MYRIP: variants seen among roughly 807,000 people sequenced by gnomAD.
The protein encoded by MYRIP is rab effector MyRIP.
MYRIP carries 49 observed loss-of-function variants against 98.0 expected under a neutral mutation model. The ratio of observed to expected loss-of-function variants is 0.50; its 90% CI spans 0.40 to 0.63. The LOEUF is 0.63. Ranked by LOEUF, MYRIP falls within the 30% of genes least tolerant of loss-of-function variation. The pLI, the probability that MYRIP is intolerant of heterozygous loss-of-function variation, is 0.00. For synonymous variants in MYRIP, 404 were observed against 409.5 expected (o/e 0.99, Z 0.16); for missense variants, 1,004 against 1,058.2 (o/e 0.95, Z 0.71).
At chr3:39,960,999 C>T (rs1043486583) in intron 2 of MYRIP, among the ~76,000 whole-genome samples, 1 of 152,134 alleles carries the variant, frequency 6.6e-6, no homozygotes, top group South Asian at 2.1e-4. Flanking sequence ...AATGGCACTT[C>T]GCAATCTCTC....
At chr3:40,245,249 C>T (rs1053680573) in intron 13 of MYRIP, among the ~76,000 whole-genome samples, 1 of 152,168 alleles carries the variant, frequency 6.6e-6, no homozygotes, top group Non-Finnish European at 1.5e-5. Flanking sequence ...CAGATATTCC[C>T]GTAGCCTTTG....
chr3:40,167,417 C>T (rs368647248), intron 7 of MYRIP, among the ~76,000 whole-genome samples, 178 bp downstream of exon 7: 3 of 152,314 alleles, frequency 2.0e-5, no homozygotes, highest in African/African-American at 7.2e-5. Context: ...GCACTGCTTG[C>T]TTGCTTTGCA....
chr3:39,888,169 A>G (rs1215017072), intron 1 of MYRIP, among the ~76,000 whole-genome samples: 3 of 152,160 alleles, frequency 2.0e-5, no homozygotes, highest in Non-Finnish European at 2.9e-5. Flanking sequence ...ACAGAATTAG[A>G]AAAAACTACT....
intron 2 of MYRIP, among the ~76,000 whole-genome samples, chr3:40,008,509 T>A (rs964043189): frequency 2.6e-5 from 4 of 152,256 alleles, no homozygotes; most frequent in South Asian, 2.1e-4. Context: ...CTCAGTTTCC[T>A]CTCCAGGGAA....
At chr3:40,057,518 A>G (rs537759393) in intron 3 of MYRIP, among the ~76,000 whole-genome samples, 1 of 152,352 alleles carries the variant, frequency 6.6e-6, no homozygotes, top group African/African-American at 2.4e-5. Flanking sequence ...CTGACCTGTA[A>G]GAACAGGCAC....
chr3:40,114,182 A>G (rs1949221723), intron 3 of MYRIP, among the ~76,000 whole-genome samples: 1 of 152,214 alleles, frequency 6.6e-6, no homozygotes, highest in Admixed American at 6.5e-5. Flanking sequence ...GTGGTACTAT[A>G]ACATTGTAAT....
chr3:40,169,047 A>C (rs1372376958), intron 7 of MYRIP, among the ~76,000 whole-genome samples: 3 of 152,184 alleles, frequency 2.0e-5, no homozygotes, highest in Non-Finnish European at 4.4e-5. Context: ...TTTTAGCTGG[A>C]GATCTGTAAA....
chr3:39,828,339 G>A (rs1255429776), intron 1 of MYRIP, among the ~76,000 whole-genome samples: 3 of 151,654 alleles, frequency 2.0e-5, no homozygotes, highest in Non-Finnish European at 1.5e-5. Context: ...TTATCTTTAA[G>A]TTCAGAAATT....
chr3:40,225,488 C>T (rs988526565), intron 11 of MYRIP, among the ~76,000 whole-genome samples: 1 of 152,220 alleles, frequency 6.6e-6, no homozygotes, highest in Non-Finnish European at 1.5e-5. Context: ...TTCACCATCA[C>T]TTCCCACAGT....
At chr3:40,218,625 TATA>T (rs1952219689) in intron 11 of MYRIP, among the ~76,000 whole-genome samples, 58 of 17,078 alleles carry the variant, frequency 3.4e-3, no homozygotes, top group Admixed American at 8.5e-3. Flanking sequence ...TATATATATA[TATA>T]TATATATATA....
intron 10 of MYRIP, among the ~76,000 whole-genome samples, chr3:40,208,518 C>G (rs1951840514): frequency 6.6e-6 from 1 of 152,162 alleles, no homozygotes; most frequent in Non-Finnish European, 1.5e-5. Context: ...AAAGGGTTTA[C>G]TCACAGAAGG....
chr3:40,158,723 T>G (rs1950305199), intron 4 of MYRIP, among the ~76,000 whole-genome samples: 1 of 151,908 alleles, frequency 6.6e-6, no homozygotes, highest in Non-Finnish European at 1.5e-5. Flanking sequence ...GCTCTTCTTG[T>G]TGAATTGATC....
intron 2 of MYRIP, among the ~76,000 whole-genome samples, chr3:39,984,723 G>A (rs1451445450): frequency 4.0e-5 from 6 of 151,874 alleles, no homozygotes; most frequent in Middle Eastern, 6.8e-3. Context: ...ATGATTTATA[G>A]TCCTTTGGGT....
At chr3:40,099,913 C>A (rs1052300036) in intron 3 of MYRIP, 22 of 851,298 alleles carry the variant, frequency 2.6e-5, no homozygotes, top group Admixed American at 6.2e-5. Flanking sequence ...GCTTTGGTGC[C>A]TCTCTCTCCC....
At chr3:40,193,132 G>A (rs2679813) in intron 10 of MYRIP, among the ~76,000 whole-genome samples, 125,316 of 152,048 alleles carry the variant, frequency 0.82, 52,888 homozygotes, top group Middle Eastern at 0.95. Flanking sequence ...AAAACCGGAG[G>A]ACCCAAGGTT....
intron 8 of MYRIP, among the ~76,000 whole-genome samples, chr3:40,172,745 T>C (rs772447794): frequency 6.6e-6 from 1 of 152,154 alleles, no homozygotes; most frequent in Non-Finnish European, 1.5e-5. Context: ...AACCCCACTA[T>C]GGGTCCTCAC....
intron 2 of MYRIP, among the ~76,000 whole-genome samples, chr3:39,968,451 C>A (rs1393736131): frequency 6.6e-6 from 1 of 151,892 alleles, no homozygotes; most frequent in Non-Finnish European, 1.5e-5. Flanking sequence ...GTGTGAGCCA[C>A]CACGTCTGGC....
chr3:39,986,719 C>A (rs1946040703), intron 2 of MYRIP, among the ~76,000 whole-genome samples: 1 of 152,124 alleles, frequency 6.6e-6, no homozygotes, highest in Non-Finnish European at 1.5e-5. Context: ...GAGAATATAA[C>A]CCCCGTGGGT....
chr3:40,246,243 G>A (rs1953199543), intron 13 of MYRIP, among the ~76,000 whole-genome samples: 2 of 152,060 alleles, frequency 1.3e-5, no homozygotes, highest in African/African-American at 4.8e-5. Flanking sequence ...AGGATCTGTG[G>A]CTCACACTTT....
Sources: gnomAD v4.1 joint callset for allele counts (sites outside exome capture counted in the v4.1 genomes callset) on GRCh38, gnomAD v4.1.1 for gene constraint, MANE v1.5 for transcripts, NCBI Gene and HGNC (gene_info 2026-07-23, HGNC 2026-07-21) for gene names.